The following IL19 variants were observed in gnomAD, a reference collection of about 807,000 sequenced individuals.
IL19 encodes interleukin-19.
In IL19, 15 loss-of-function variants were observed where a neutral mutation model predicts 19.5. The ratio of observed to expected loss-of-function variants is 0.77; its 90% CI spans 0.52 to 1.19. The LOEUF is 1.19. IL19 is among the 50% of genes most tolerant of loss of function. The pLI, the probability that IL19 is intolerant of heterozygous loss-of-function variation, is 0.00. For missense variants in IL19, 199 were observed against 213.1 expected, an observed-to-expected ratio of 0.93 and a Z score of 0.41; for synonymous variants, 78 against 78.3, an observed-to-expected ratio of 1.00 and a Z score of 0.02.
chr1:206,812,473 G>A (rs138458552), intron 2 of IL19, among the ~76,000 whole-genome samples: 88 of 152,292 alleles, frequency 5.8e-4, no homozygotes, highest in East Asian at 3.7e-3. Context: ...TGACTGGGGC[G>A]ACTGATTACC....
Position 206,842,792 on chromosome 1 carries a change from C to T in IL19, c.*170C>T. On this transcript the variant is annotated 3_prime_UTR_variant, in exon 7 of 7. Transcript: ENST00000659997. ...CGCTTGAAAATAGCCAAAAAGTCTA[C>T]TGTGGTATTTGTAATAAACTCTATC... is the stretch of plus-strand genomic sequence containing the variant. 1 of 551,328 alleles carries T rather than the reference C, an allele frequency of 1.8e-6. No individual in the cohort carries two copies. The highest frequency in any genetic ancestry group is 2.4e-5 in the South Asian group (1 of 41,088). The allele number at this position is 551,328 out of a possible 1,614,324, so 34.2% of individuals were successfully genotyped here.
At chr1:206,834,948 C>G (rs1572574232) in intron 2 of IL19, among the ~76,000 whole-genome samples, 1 of 152,260 alleles carries the variant, frequency 6.6e-6, no homozygotes, top group Admixed American at 6.5e-5. Flanking sequence ...AAAATGGGAA[C>G]AGAAACAGAG....
At chr1:206,842,203 A>G (rs1677039298) in intron 6 of IL19, among the ~76,000 whole-genome samples, 1 of 152,172 alleles carries the variant, frequency 6.6e-6, no homozygotes, top group Non-Finnish European at 1.5e-5. Context: ...TGGTGTGGAG[A>G]AGAAAATCAG....
chr1:206,785,035 T>A (rs1249447767), intron 1 of IL19, among the ~76,000 whole-genome samples: 1 of 152,122 alleles, frequency 6.6e-6, no homozygotes, highest in African/African-American at 2.4e-5. Flanking sequence ...TGCTACGGGC[T>A]TTGAAGTATT....
chr1:206,840,960 A>T (rs756344661), intron 5 of IL19, 44 bp from the exon 6 acceptor site: 1 of 1,508,348 alleles, frequency 6.6e-7, no homozygotes, highest in Non-Finnish European at 9.2e-7. Context: ...AGAGGGCCAG[A>T]GTGGAAATGT....
intron 1 of IL19, among the ~76,000 whole-genome samples, chr1:206,773,026 C>A (rs1045258245): frequency 2.0e-5 from 3 of 152,112 alleles, no homozygotes; most frequent in African/African-American, 7.2e-5. Context: ...CCAAGCAGCC[C>A]TTCCATTTTA....
At chr1:206,825,596 C>G (rs1292120449) in intron 2 of IL19, among the ~76,000 whole-genome samples, 2 of 152,198 alleles carry the variant, frequency 1.3e-5, no homozygotes, top group African/African-American at 4.8e-5. Context: ...GGGAGAGAAG[C>G]ATGTAGACTC....
At chr1:206,793,143 T>C (rs542098714) in intron 1 of IL19, among the ~76,000 whole-genome samples, 87 of 152,346 alleles carry the variant, frequency 5.7e-4, no homozygotes, top group African/African-American at 2.0e-3. Flanking sequence ...TCCTCAGGGT[T>C]GGTCAGCCCC....
intron 2 of IL19, among the ~76,000 whole-genome samples, chr1:206,826,660 A>G (rs1676441247): frequency 6.6e-6 from 1 of 152,170 alleles, no homozygotes; most frequent in South Asian, 2.1e-4. Context: ...CCATGGGAGA[A>G]GCTCTTTTCA....
chr1:206,793,274 T>C (rs887227229), intron 1 of IL19, among the ~76,000 whole-genome samples: 4 of 152,114 alleles, frequency 2.6e-5, no homozygotes, highest in African/African-American at 9.7e-5. Flanking sequence ...ACTTTGGGGG[T>C]AACAGTTTTA....
intron 1 of IL19, among the ~76,000 whole-genome samples, chr1:206,792,484 T>C (rs1675432176): frequency 6.6e-6 from 1 of 151,806 alleles, no homozygotes; most frequent in South Asian, 2.1e-4. Flanking sequence ...TGAGATGGAG[T>C]CTTGCTCTGT....
chr1:206,814,483 G>T (rs1676096851), intron 2 of IL19, among the ~76,000 whole-genome samples: 1 of 148,128 alleles, frequency 6.8e-6, no homozygotes, highest in Admixed American at 6.8e-5. Context: ...ATGAGGCCAG[G>T]CATTCGAGAT....
Position 206,839,504 on chromosome 1 carries a change from A to G in IL19, c.211-346A>G, listed in dbSNP as rs546284685. Among the ~76,000 whole-genome samples the G allele has an allele frequency of 5.9e-5, 9 of 151,782 alleles. No homozygotes were observed. The East Asian group carries it at 9.7e-4, about 16-fold the overall frequency. On this transcript the variant is annotated intron_variant, in intron 4 of 6. Transcript: ENST00000659997. ...AGCTGCTCAGCCATCAGTCCTTTTA[A>G]AAAGGAGGCAACTGGTTCCTGGAAA...
At chr1:206,822,937 T>C (rs552070521) in intron 2 of IL19, among the ~76,000 whole-genome samples, 6 of 152,188 alleles carry the variant, frequency 3.9e-5, no homozygotes, top group East Asian at 1.9e-4. Context: ...TTCTTTCTTT[T>C]TTTTTTGTTT....
intron 1 of IL19, among the ~76,000 whole-genome samples, chr1:206,793,273 G>T (rs1464119622): frequency 6.6e-6 from 1 of 152,192 alleles, no homozygotes; most frequent in Non-Finnish European, 1.5e-5. Flanking sequence ...GACTTTGGGG[G>T]TAACAGTTTT....
intron 2 of IL19, among the ~76,000 whole-genome samples, chr1:206,813,263 T>C (rs1195136255): frequency 6.6e-6 from 1 of 152,244 alleles, no homozygotes; most frequent in Non-Finnish European, 1.5e-5. Flanking sequence ...ACTTCAAAGC[T>C]GGAGGCAGAA....
At position 206,781,869 on chromosome 1, in the gene IL19, TTA is replaced by T. The variant is rs1190096527; in HGVS notation, c.-149+10798_-149+10799del. 2.9e-5 allele frequency among the ~76,000 whole-genome samples: 4 copies of T among 138,706 alleles called. No individual in the cohort carries two copies. The South Asian group carries it at 6.5e-4, about 22-fold the overall frequency. 91.0% of individuals were successfully genotyped at this position (138,706 alleles called of 152,430 possible). A position where few individuals can be genotyped will look rare whatever the true frequency, so the allele number is the denominator to read the frequency against. On this transcript the variant is annotated intron_variant, in intron 1 of 6. Transcript: ENST00000659997. ...TATATATACATATATATGTATATAGTTATATATACATATATATGTATATAGTT... is the reference window on the plus strand; with the variant it reads ...TATATATACATATATATGTATATAGTTATATACATATATATGTATATAGTT...
chr1:206,771,556 A>G (rs1044834579), intron 1 of IL19: 1 of 723,994 alleles, frequency 1.4e-6, no homozygotes, highest in Non-Finnish European at 2.5e-6. Context: ...GGGGAGTTTT[A>G]AAAACAGAGG....
intron 2 of IL19, among the ~76,000 whole-genome samples, chr1:206,823,412 G>T (rs1274929806): frequency 6.6e-6 from 1 of 151,878 alleles, no homozygotes; most frequent in Admixed American, 6.6e-5. Flanking sequence ...AAAATTAGCT[G>T]GGCGTGGTGG....
Sources: allele counts gnomAD v4.1 joint callset (sites outside exome capture counted in the v4.1 genomes callset), GRCh38; gene constraint gnomAD v4.1.1; transcripts MANE v1.5; gene names NCBI Gene and HGNC (gene_info 2026-07-23, HGNC 2026-07-21).